The following TASP1 variants were observed in gnomAD, a reference collection of about 807,000 sequenced individuals.
TASP1 encodes the protein taspase 1, also known as threonine aspartase 1.
In TASP1, 16 loss-of-function variants were observed where a neutral mutation model predicts 56.6. The ratio of observed to expected loss-of-function variants is 0.28; its 90% CI spans 0.19 to 0.43. TASP1 has a LOEUF of 0.43. TASP1 is among the 20% of genes least tolerant of loss of function. The probability of loss-of-function intolerance (pLI) is 1.00; values close to 1 mark genes in which losing one functional copy is unlikely to be tolerated. For missense variants in TASP1, 393 were observed against 511.6 expected (o/e 0.77, Z 2.24); for synonymous variants, 179 against 184.2 (o/e 0.97, Z 0.23).
At chr20:13,561,048 T>C (rs1236631435) in intron 7 of TASP1, among the ~76,000 whole-genome samples, 1 of 152,108 alleles carries the variant, frequency 6.6e-6, no homozygotes, top group Non-Finnish European at 1.5e-5. Flanking sequence ...AAACAGTGGG[T>C]TGATATATTC....
chr20:13,434,424 G>A (rs915362879), intron 12 of TASP1, among the ~76,000 whole-genome samples: 1 of 152,102 alleles, frequency 6.6e-6, no homozygotes, highest in Non-Finnish European at 1.5e-5. Flanking sequence ...GGTGGGCTGG[G>A]TTTCATCCCC....
At chr20:13,310,078 C>T in the TASP1 span, among the ~76,000 whole-genome samples, 1 of 151,942 alleles carries the variant, frequency 6.6e-6, no homozygotes, top group African/African-American at 2.4e-5. Flanking sequence ...TTCATAGAAA[C>T]ATAAAAAACA....
At chr20:13,324,687 C>T in the TASP1 span, among the ~76,000 whole-genome samples, 1 of 152,194 alleles carries the variant, frequency 6.6e-6, no homozygotes, top group African/African-American at 2.4e-5. Context: ...CTTCACACCG[C>T]TTTCAATTTT....
the TASP1 span, among the ~76,000 whole-genome samples, chr20:13,322,724 A>T: frequency 6.6e-6 from 1 of 152,168 alleles, no homozygotes; most frequent in Non-Finnish European, 1.5e-5. Context: ...TTCCTAAAGG[A>T]TGGGGGTGGA....
chr20:13,409,247 T>C lies in TASP1; in HGVS notation c.1170+8201A>G, dbSNP rs143857069. On this transcript the variant is annotated intron_variant, in intron 13 of 13. Coordinates refer to ENST00000337743, the MANE Select transcript of TASP1 (RefSeq NM_017714.3). ...ATGTAATGTTCTATAAATACCACTTTGGTCAAGTTGGGTCTATTATTCATA... is the reference window on the plus strand; with the variant it reads ...ATGTAATGTTCTATAAATACCACTTCGGTCAAGTTGGGTCTATTATTCATA... Among the ~76,000 whole-genome samples, 758 of 152,180 alleles carry C rather than the reference T, an allele frequency of 5.0e-3. 4 individuals carry two copies. Among genetic ancestry groups the C allele is most frequent in the African/African-American group, 0.015 (617 of 41,582 alleles).
At chr20:13,218,066 A>G in the TASP1 span, among the ~76,000 whole-genome samples, 8 of 152,046 alleles carry the variant, frequency 5.3e-5, no homozygotes, top group Non-Finnish European at 1.2e-4. Context: ...CCTGGCCAAT[A>G]CGGTGAAAAT....
the TASP1 span, among the ~76,000 whole-genome samples, chr20:13,331,933 G>C: frequency 6.6e-6 from 1 of 152,104 alleles, no homozygotes; most frequent in African/African-American, 2.4e-5. Flanking sequence ...TTTGGGTCAG[G>C]ATGCAAATGG....
At chr20:13,359,416 C>T in the TASP1 span, among the ~76,000 whole-genome samples, 4 of 151,738 alleles carry the variant, frequency 2.6e-5, no homozygotes, top group African/African-American at 7.3e-5. Context: ...CAGATCTTCT[C>T]GGCTTAGCAG....
chr20:13,263,351 T>C, the TASP1 span, among the ~76,000 whole-genome samples: 2 of 150,908 alleles, frequency 1.3e-5, no homozygotes, highest in East Asian at 2.0e-4. Flanking sequence ...CACCCCCTGC[T>C]TCCACTCCTA....
chr20:13,377,406 C>T, the TASP1 span, among the ~76,000 whole-genome samples: 2 of 152,250 alleles, frequency 1.3e-5, no homozygotes, highest in African/African-American at 2.4e-5. Flanking sequence ...ATCAGCCTTG[C>T]ATCCCAGGAA....
intron 13 of TASP1, 109 bp downstream of exon 13, chr20:13,417,339 G>T: frequency 9.8e-7 from 1 of 1,019,256 alleles, no homozygotes. Flanking sequence ...AGACCACAAA[G>T]CTACTGCCCA....
the TASP1 span, among the ~76,000 whole-genome samples, chr20:13,350,966 GA>G: frequency 0.25 from 30,562 of 122,716 alleles, 3,800 homozygotes; most frequent in African/African-American, 0.41. Flanking sequence ...TTCCAAAAGT[GA>G]AAAAAAAAAA....
intron 13 of TASP1, among the ~76,000 whole-genome samples, chr20:13,392,395 C>A (rs1433722679): frequency 6.6e-6 from 1 of 152,172 alleles, no homozygotes; most frequent in African/African-American, 2.4e-5. Flanking sequence ...TCCTATAGCA[C>A]CCATATGAGC....
intron 7 of TASP1, among the ~76,000 whole-genome samples, chr20:13,562,654 A>T (rs2046380061): frequency 6.6e-6 from 1 of 152,008 alleles, no homozygotes; most frequent in South Asian, 2.1e-4. Flanking sequence ...ATGTGGGTGA[A>T]TCACTTGAAT....
the TASP1 span, among the ~76,000 whole-genome samples, chr20:13,265,852 T>C: frequency 6.6e-6 from 1 of 152,108 alleles, no homozygotes; most frequent in Non-Finnish European, 1.5e-5. Flanking sequence ...AAAAGACATA[T>C]GGAGGTCACC....
chr20:13,211,018 T>A, the TASP1 span, among the ~76,000 whole-genome samples: 2 of 150,818 alleles, frequency 1.3e-5, no homozygotes, highest in South Asian at 2.1e-4. Context: ...TCATTAAGAT[T>A]ATTATCTAAT....
chr20:13,145,886 G>A, the TASP1 span, among the ~76,000 whole-genome samples: 1 of 152,106 alleles, frequency 6.6e-6, no homozygotes, highest in African/African-American at 2.4e-5. Context: ...ACAAGTAATG[G>A]GGAAAGGACT....
At chr20:13,509,282 T>C (rs2044242487) in intron 10 of TASP1, among the ~76,000 whole-genome samples, 1 of 152,084 alleles carries the variant, frequency 6.6e-6, no homozygotes, top group Non-Finnish European at 1.5e-5. Context: ...TGTTCTCACT[T>C]ATATATAAAA....
chr20:13,270,644 T>A, the TASP1 span: 22 of 1,613,866 alleles, frequency 1.4e-5, no homozygotes, highest in Non-Finnish European at 1.9e-5. Flanking sequence ...CGGGGCACCC[T>A]TCATTGCAAA....
Sources: allele counts gnomAD v4.1 joint callset (sites outside exome capture counted in the v4.1 genomes callset), GRCh38; gene constraint gnomAD v4.1.1; transcripts MANE v1.5; gene names NCBI Gene and HGNC (gene_info 2026-07-23, HGNC 2026-07-21).